Variants in CNNM2 observed in about 807,000 individuals in gnomAD.
CNNM2 encodes metal transporter CNNM2.
In CNNM2, 12 loss-of-function variants were observed where a neutral mutation model predicts 66.9. That is an observed-to-expected ratio of 0.18 (90% CI 0.11 to 0.29). The LOEUF (loss-of-function observed/expected upper bound fraction) is 0.29. CNNM2 is among the 10% of genes least tolerant of loss of function. The probability of loss-of-function intolerance (pLI) is 1.00; values close to 1 mark genes in which losing one functional copy is unlikely to be tolerated. For missense variants in CNNM2, 705 were observed against 1,167.7 expected (o/e 0.60, Z 5.77); for synonymous variants, 557 against 501.8 (o/e 1.11, Z -1.47).
intron 6 of CNNM2, among the ~76,000 whole-genome samples, chr10:103,072,607 C>T (rs960350366): frequency 1.3e-5 from 2 of 152,228 alleles, no homozygotes; most frequent in Non-Finnish European, 2.9e-5. Flanking sequence ...TGCCGACTGC[C>T]CTGCAGGAGA....
intron 1 of CNNM2, among the ~76,000 whole-genome samples, chr10:102,984,968 G>A (rs1477161017): frequency 2.0e-5 from 3 of 151,920 alleles, no homozygotes; most frequent in Non-Finnish European, 2.9e-5. Context: ...TTAAATGTCA[G>A]TTTGTTAAGG....
chr10:102,923,528 G>C (rs1845734743), intron 1 of CNNM2, among the ~76,000 whole-genome samples: 1 of 152,008 alleles, frequency 6.6e-6, no homozygotes, highest in Non-Finnish European at 1.5e-5. Context: ...CCTTGATCCT[G>C]GTTTGACATT....
intron 1 of CNNM2, among the ~76,000 whole-genome samples, chr10:103,001,945 G>A (rs544140912): frequency 1.3e-5 from 2 of 152,250 alleles, no homozygotes; most frequent in East Asian, 3.9e-4. Flanking sequence ...GCAGTGAGCC[G>A]AGGTCCTGCC....
intron 1 of CNNM2, among the ~76,000 whole-genome samples, chr10:102,978,978 A>G (rs1271799889): frequency 1.3e-5 from 2 of 152,218 alleles, no homozygotes; most frequent in Non-Finnish European, 2.9e-5. Flanking sequence ...GCTGTGTGCT[A>G]TCACATTGTG....
At chr10:103,034,657 A>G (rs905698763) in intron 1 of CNNM2, among the ~76,000 whole-genome samples, 4 of 152,208 alleles carry the variant, frequency 2.6e-5, no homozygotes, top group African/African-American at 9.6e-5. Flanking sequence ...TGGTCTAAAA[A>G]CTAAAACCTT....
At chr10:102,934,007 C>CT (rs34063291) in intron 1 of CNNM2, among the ~76,000 whole-genome samples, 249 of 135,254 alleles carry the variant, frequency 1.8e-3, no homozygotes, top group Middle Eastern at 3.8e-3. Flanking sequence ...CTTATTTTAA[C>CT]TTTTTTTTTT....
At chr10:102,957,001 T>A (rs188205735) in intron 1 of CNNM2, among the ~76,000 whole-genome samples, 5 of 152,082 alleles carry the variant, frequency 3.3e-5, no homozygotes, top group African/African-American at 4.8e-5. Context: ...ATAATTTTTT[T>A]AAAAAAGATG....
At chr10:102,990,970 T>G (rs540790023) in intron 1 of CNNM2, among the ~76,000 whole-genome samples, 3 of 152,288 alleles carry the variant, frequency 2.0e-5, no homozygotes, top group Admixed American at 1.3e-4. Context: ...AATTCTTACA[T>G]TTTCCATTGT....
intron 1 of CNNM2, among the ~76,000 whole-genome samples, chr10:103,041,910 A>G (rs1213707193): frequency 6.6e-6 from 1 of 152,072 alleles, no homozygotes; most frequent in Non-Finnish European, 1.5e-5. Context: ...TCCATGGCCT[A>G]GGTGATCTCA....
intron 1 of CNNM2, among the ~76,000 whole-genome samples, chr10:103,008,161 A>G (rs1166910647): frequency 1.3e-5 from 2 of 151,406 alleles, no homozygotes; most frequent in East Asian, 1.9e-4. Flanking sequence ...TTTTTAAACC[A>G]GTTTCCATGT....
Position 103,089,732 on chromosome 10 carries a change from C to T in CNNM2, c.*12552C>T, listed in dbSNP as rs935178030. 3.7e-6 allele frequency: 6 copies of T among 1,613,604 alleles called. No individual in the cohort carries two copies. Among genetic ancestry groups the T allele is most frequent in the African/African-American group, 1.3e-5 (1 of 74,986 alleles). On this transcript the variant is annotated 3_prime_UTR_variant, in exon 8 of 8. Transcript: ENST00000369878. ...CTTCGTCATGGCAGTGTGTAATTTC[C>T]TGGGGGGCCAGTGGGAAGAGGTTGG... is the stretch of plus-strand genomic sequence containing the variant.
chr10:103,034,360 C>A (rs1241766108), intron 1 of CNNM2, among the ~76,000 whole-genome samples: 1 of 142,234 alleles, frequency 7.0e-6, no homozygotes, highest in Non-Finnish European at 1.6e-5. Flanking sequence ...CAAAAAAAAC[C>A]ATTACTTTCC....
intron 1 of CNNM2, among the ~76,000 whole-genome samples, chr10:103,000,725 A>G (rs531821613): frequency 6.6e-6 from 1 of 152,244 alleles, no homozygotes; most frequent in East Asian, 1.9e-4. Context: ...GATTACAGGT[A>G]TGTACTACCA....
intron 1 of CNNM2, among the ~76,000 whole-genome samples, chr10:102,941,018 T>C (rs1160916870): frequency 6.6e-6 from 1 of 151,922 alleles, no homozygotes; most frequent in Admixed American, 6.6e-5. Flanking sequence ...TTTGTACTCT[T>C]TTCCATTCTG....
intron 1 of CNNM2, among the ~76,000 whole-genome samples, chr10:102,963,261 A>T (rs1479234910): frequency 6.6e-6 from 1 of 152,146 alleles, no homozygotes; most frequent in Non-Finnish European, 1.5e-5. Context: ...AAAAGGACAA[A>T]CTTCCCTGTC....
intron 1 of CNNM2, among the ~76,000 whole-genome samples, chr10:103,015,017 T>G (rs2064415133): frequency 6.6e-6 from 1 of 152,312 alleles, no homozygotes; most frequent in African/African-American, 2.4e-5. Context: ...CTACATAACT[T>G]TAATAAGTCA....
At chr10:102,963,320 A>C (rs377147616) in intron 1 of CNNM2, among the ~76,000 whole-genome samples, 1 of 152,332 alleles carries the variant, frequency 6.6e-6, no homozygotes, top group African/African-American at 2.4e-5. Flanking sequence ...GCCTAACTGG[A>C]ACGCACAGTC....
In CNNM2 at chr10:102,919,343, G is replaced by T. The variant is rs1285798209; in HGVS notation, c.863G>T (p.Arg288Leu). The change falls in exon 1 of 8, where the codon CGC becomes CTC. Residue 288 changes from arginine (R) to leucine (L), a missense_variant. By Grantham distance (102) the Arg-to-Leu change is moderately radical. This residue lies in a region of CNNM2 where 49 missense variants were observed against 183.7 expected (regional missense o/e 0.27). Transcript: ENST00000369878. ...GLMALDPMEL[R>L]IVQNCGTEKE... is the part of the protein sequence containing the mutation. Reference sequence around the variant, plus strand: ...ATGGCCCTGGACCCGATGGAGCTGCGCATCGTGCAGAACTGCGGCACGGAG... The same window carrying T: ...ATGGCCCTGGACCCGATGGAGCTGCTCATCGTGCAGAACTGCGGCACGGAG... The T allele has an allele frequency of 6.2e-7, 1 of 1,613,386 alleles. No homozygotes were observed.
intron 4 of CNNM2, among the ~76,000 whole-genome samples, chr10:103,062,278 G>T (rs577609994): frequency 6.6e-6 from 1 of 152,254 alleles, no homozygotes; most frequent in East Asian, 1.9e-4. Flanking sequence ...GAGTATGGCA[G>T]GTGGCATCTT....
Sources: gnomAD v4.1 joint callset for allele counts (sites outside exome capture counted in the v4.1 genomes callset) on GRCh38, gnomAD v4.1.1 for gene constraint, gnomAD v4.1.1 regional missense constraint, MANE v1.5 for transcripts, NCBI Gene and HGNC (gene_info 2026-07-23, HGNC 2026-07-21) for gene names.